The following RAB5A variants were observed in gnomAD, a reference collection of about 807,000 sequenced individuals.
RAB5A encodes ras-related protein Rab-5A.
Under a neutral mutation model 25.7 loss-of-function variants are expected in RAB5A, and 8 were observed. The ratio of observed to expected loss-of-function variants is 0.31; its 90% CI spans 0.18 to 0.56. The LOEUF (loss-of-function observed/expected upper bound fraction) is 0.56, where lower values mean the gene tolerates loss of function less well. RAB5A is among the 20% of genes least tolerant of loss of function. RAB5A has a pLI of 0.91. For synonymous variants in RAB5A, 98 were observed against 89.8 expected (o/e 1.09, Z -0.52); for missense variants, 192 against 259.7 (o/e 0.74, Z 1.79).
chr3:19,949,621 CTG>C (rs984170101), intron 1 of RAB5A, among the ~76,000 whole-genome samples: 3 of 152,154 alleles, frequency 2.0e-5, no homozygotes, highest in African/African-American at 7.2e-5. Flanking sequence ...TAGAAGGAAA[CTG>C]TTAAGATTGG....
At chr3:19,969,070 G>T (rs1328430601) in intron 2 of RAB5A, among the ~76,000 whole-genome samples, 4 of 129,666 alleles carry the variant, frequency 3.1e-5, no homozygotes, top group African/African-American at 1.2e-4. Context: ...TTGAGATGGA[G>T]TCTCACTCTT....
chr3:19,976,551 A>G (rs1040865173), intron 4 of RAB5A, among the ~76,000 whole-genome samples: 1 of 152,050 alleles, frequency 6.6e-6, no homozygotes, highest in African/African-American at 2.4e-5. Flanking sequence ...TGGAGATGGT[A>G]GTGCATGCCT....
intron 2 of RAB5A, among the ~76,000 whole-genome samples, chr3:19,971,657 T>G (rs990800665): frequency 6.6e-6 from 1 of 152,090 alleles, no homozygotes; most frequent in South Asian, 2.1e-4. Flanking sequence ...GTATTTTTAG[T>G]AGAGACGAGG....
intron 2 of RAB5A, among the ~76,000 whole-genome samples, chr3:19,961,166 A>T (rs1358629088): frequency 1.3e-5 from 2 of 152,210 alleles, no homozygotes; most frequent in African/African-American, 2.4e-5. Flanking sequence ...TTGTTATGTG[A>T]TACATTCCTA....
At position 19,983,852 on chromosome 3, in the gene RAB5A, C is replaced by T; in HGVS notation, c.*29C>T. 7.2e-7 allele frequency: 1 copy of T among 1,384,046 alleles called. No homozygotes were observed. Among genetic ancestry groups the T allele is most frequent in the Non-Finnish European group, 1.0e-6 (1 of 981,112 alleles). 85.7% of individuals were successfully genotyped at this position (1,384,046 alleles called of 1,614,324 possible). ...TCTAGTTTGAACTAGCTGGAATAGTCTTCTGCTTCCTAAATGTTAATAACA... is the reference window on the plus strand; with the variant it reads ...TCTAGTTTGAACTAGCTGGAATAGTTTTCTGCTTCCTAAATGTTAATAACA... On this transcript the variant is annotated 3_prime_UTR_variant, in exon 6 of 6. Transcript: ENST00000273047.
chr3:19,956,210 G>A (rs560602980), intron 2 of RAB5A, among the ~76,000 whole-genome samples: 15 of 152,174 alleles, frequency 9.9e-5, no homozygotes, highest in Non-Finnish European at 1.6e-4. Flanking sequence ...GCTCATGCCT[G>A]TAATCCCAGC....
At chr3:19,974,830 A>G (rs1696800032) in intron 2 of RAB5A, among the ~76,000 whole-genome samples, 1 of 152,222 alleles carries the variant, frequency 6.6e-6, no homozygotes, top group Non-Finnish European at 1.5e-5. Context: ...GGAACAGGAC[A>G]TGGTGTCAGC....
chr3:19,960,816 C>T (rs904376301), intron 2 of RAB5A, among the ~76,000 whole-genome samples: 5 of 152,070 alleles, frequency 3.3e-5, no homozygotes, highest in Non-Finnish European at 2.9e-5. Flanking sequence ...GATGAAGAAC[C>T]GGTTAGTTAT....
chr3:19,951,224 A>G (rs1374676152), intron 2 of RAB5A, 163 bp downstream of exon 2: 2 of 671,932 alleles, frequency 3.0e-6, no homozygotes, highest in Non-Finnish European at 4.7e-6. Context: ...TATCTTTGTT[A>G]AAATGATGTG....
intron 2 of RAB5A, among the ~76,000 whole-genome samples, chr3:19,957,490 T>TAA (rs57627468): frequency 1.2e-4 from 17 of 138,706 alleles, no homozygotes; most frequent in Admixed American, 8.0e-4. Context: ...CCATCCTTAC[T>TAA]AAAAAAAAAA....
At position 19,984,666 on chromosome 3, in the gene RAB5A, T is replaced by C. The variant is rs1185114744; in HGVS notation, c.*843T>C. 6.4e-6 allele frequency: 1 copy of C among 156,412 alleles called. No individual in the cohort carries two copies. Among genetic ancestry groups the C allele is most frequent in the Non-Finnish European group, 1.4e-5 (1 of 70,746 alleles). 9.7% of individuals were successfully genotyped at this position (156,412 alleles called of 1,614,324 possible). ...AATATAGTCAATGCACTAACAATTA[T>C]GTATATTCAAACTTGATTATTTTAA... On this transcript the variant is annotated 3_prime_UTR_variant, in exon 6 of 6. Transcript: ENST00000273047.
In RAB5A at chr3:19,951,701, G is replaced by GTTTTTTTTTTTTTTTTTTTTTT. The variant is rs61250458; in HGVS notation, c.163+658_163+659insTTTTTTTTTTTTTTTTTTTTTT. Among the ~76,000 whole-genome samples, 18 of 98,998 alleles carry GTTTTTTTTTTTTTTTTTTTTTT rather than the reference G, an allele frequency of 1.8e-4. 1 individual carries two copies. Among genetic ancestry groups the GTTTTTTTTTTTTTTTTTTTTTT allele is most frequent in the African/African-American group, 6.2e-4 (15 of 24,390 alleles). The allele number at this position is 98,998 out of a possible 152,430, so 64.9% of individuals were successfully genotyped here. A position where few individuals can be genotyped will look rare whatever the true frequency, so the allele number is the denominator to read the frequency against. ...GGGTGCATGCCACCATGCCAGGCAAGTTTTTTTTTTTTTTTTTTAAGAGTC... is the reference window on the plus strand; with the variant it reads ...GGGTGCATGCCACCATGCCAGGCAAGTTTTTTTTTTTTTTTTTTTTTTTTTTTTTTTTTTTTTTTTAAGAGTC... On this transcript the variant is annotated intron_variant, in intron 2 of 5. Transcript: ENST00000273047.
At chr3:19,957,550 C>T (rs1442246276) in intron 2 of RAB5A, among the ~76,000 whole-genome samples, 1 of 150,840 alleles carries the variant, frequency 6.6e-6, no homozygotes, top group Admixed American at 6.6e-5. Context: ...GTAATTCCAG[C>T]TACTCGGGAG....
intron 2 of RAB5A, among the ~76,000 whole-genome samples, chr3:19,973,046 G>T (rs1696774280): frequency 1.3e-5 from 2 of 152,206 alleles, no homozygotes; most frequent in Admixed American, 1.3e-4. Context: ...GATGACGTGA[G>T]GTGCAGGCAT....
At chr3:19,947,691 G>C (rs951586348) in intron 1 of RAB5A, 170 bp downstream of exon 1, 1 of 152,576 alleles carries the variant, frequency 6.6e-6, no homozygotes, top group African/African-American at 2.4e-5. Context: ...TGTTCTGCCA[G>C]CCCTGGTGAC....
intron 2 of RAB5A, among the ~76,000 whole-genome samples, chr3:19,955,679 G>A (rs1354524618): frequency 5.3e-5 from 8 of 152,030 alleles, no homozygotes; most frequent in African/African-American, 1.7e-4. Flanking sequence ...GGATCACGAG[G>A]TCAGGAGTTC....
chr3:19,951,682 A>G (rs1013696035), intron 2 of RAB5A, among the ~76,000 whole-genome samples: 18 of 130,892 alleles, frequency 1.4e-4, no homozygotes, highest in Non-Finnish European at 2.7e-4. Flanking sequence ...CTAAGGGTGC[A>G]TGCCACCATG....
chr3:19,983,042 G>A (rs2125134599), intron 5 of RAB5A, among the ~76,000 whole-genome samples: 1 of 152,180 alleles, frequency 6.6e-6, no homozygotes, highest in East Asian at 1.9e-4. Flanking sequence ...TTATTTAATA[G>A]AAGTAATAAT....
chr3:19,978,675 C>T (rs995984053), intron 5 of RAB5A: 2 of 236,186 alleles, frequency 8.5e-6, no homozygotes, highest in Non-Finnish European at 1.6e-5. Context: ...TGAGTTAAGC[C>T]TTAACCTCTT....
Sources: allele counts gnomAD v4.1 joint callset (sites outside exome capture counted in the v4.1 genomes callset), GRCh38; gene constraint gnomAD v4.1.1; transcripts MANE v1.5; gene names NCBI Gene and HGNC (gene_info 2026-07-23, HGNC 2026-07-21).